The following AKAP7 variants were observed in gnomAD, a reference collection of about 807,000 sequenced individuals.
AKAP7 encodes A-kinase anchoring protein 7.
Under a neutral mutation model 39.5 loss-of-function variants are expected in AKAP7, and 39 were observed. The ratio of observed to expected loss-of-function variants is 0.99; its 90% CI spans 0.76 to 1.29. AKAP7 has a LOEUF of 1.29. Ranked by LOEUF, AKAP7 falls within the 50% of genes most tolerant of loss-of-function variation. The pLI, the probability that AKAP7 is intolerant of heterozygous loss-of-function variation, is 0.00. For missense variants in AKAP7, 414 were observed against 407.7 expected (o/e 1.02, Z -0.13); for synonymous variants, 140 against 139.1 (o/e 1.01, Z -0.05).
At chr6:131,253,112 G>C (rs1428470731) in intron 7 of AKAP7, 2 of 1,611,714 alleles carry the variant, frequency 1.2e-6, no homozygotes, top group Non-Finnish European at 1.7e-6. Context: ...AGTGGTAAGA[G>C]TCAAGTGACC....
At chr6:131,175,945 G>T (rs1304833991) in intron 5 of AKAP7, among the ~76,000 whole-genome samples, 1 of 151,952 alleles carries the variant, frequency 6.6e-6, no homozygotes, top group Non-Finnish European at 1.5e-5. Flanking sequence ...TGTTTATTTG[G>T]GTCATTATTT....
chr6:131,236,192 T>G (rs1811043593), intron 7 of AKAP7, among the ~76,000 whole-genome samples: 1 of 152,146 alleles, frequency 6.6e-6, no homozygotes, highest in Non-Finnish European at 1.5e-5. Context: ...TTTTCTCAGG[T>G]TTGTCAAAGA....
rs9321276 is a variant in AKAP7, at chr6:131,201,852, C to T, written c.702+2279C>T. ...CAGCACCATTTATTAAATAGGGAAT[C>T]GTTTCCCCATTGCTTGTTTTTCTCA... On this transcript the variant is annotated intron_variant, in intron 6 of 7. Coordinates refer to ENST00000431975, the MANE Select transcript of AKAP7 (RefSeq NM_016377.4). Among the ~76,000 whole-genome samples the T allele has an allele frequency of 1.2e-3, 186 of 152,234 alleles. 1 individual carries two copies. Among genetic ancestry groups the T allele is most frequent in the African/African-American group, 4.0e-3 (165 of 41,534 alleles).
At chr6:131,127,351 T>G in the AKAP7 span, among the ~76,000 whole-genome samples, 1 of 152,182 alleles carries the variant, frequency 6.6e-6, no homozygotes, top group Non-Finnish European at 1.5e-5. Flanking sequence ...CTTGAAGTCC[T>G]TGACCATAGG....
intron 7 of AKAP7, among the ~76,000 whole-genome samples, chr6:131,242,526 A>G (rs1811704525): frequency 6.6e-6 from 1 of 150,782 alleles, no homozygotes; most frequent in Non-Finnish European, 1.5e-5. Flanking sequence ...AATTACTTAT[A>G]GACCCTTTTA....
intron 1 of AKAP7, among the ~76,000 whole-genome samples, chr6:131,143,211 CA>C (rs1177142478): frequency 6.6e-6 from 1 of 152,026 alleles, no homozygotes; most frequent in African/African-American, 2.4e-5. Context: ...TTTAGGTGGC[CA>C]GGGGCAGAAT....
At chr6:131,220,355 CTG>C in intron 7 of AKAP7, among the ~76,000 whole-genome samples, 1 of 152,312 alleles carries the variant, frequency 6.6e-6, no homozygotes, top group East Asian at 1.9e-4. Context: ...TCATATAAAA[CTG>C]TGTTTCCAGG....
At chr6:131,240,129 A>T (rs1369928259) in intron 7 of AKAP7, among the ~76,000 whole-genome samples, 1 of 152,246 alleles carries the variant, frequency 6.6e-6, no homozygotes, top group Admixed American at 6.5e-5. Context: ...TCTAACAGTC[A>T]GGATCCTCAG....
At chr6:131,224,618 A>G (rs1045455121) in intron 7 of AKAP7, among the ~76,000 whole-genome samples, 1 of 151,310 alleles carries the variant, frequency 6.6e-6, no homozygotes, top group African/African-American at 2.4e-5. Context: ...AGAGTGCTAG[A>G]TTACAAGTCA....
chr6:131,140,544 T>C (rs1189544896), intron 1 of AKAP7, among the ~76,000 whole-genome samples: 1 of 152,230 alleles, frequency 6.6e-6, no homozygotes, highest in Admixed American at 6.5e-5. Context: ...CCCTCACTTA[T>C]TGCTAAGAAT....
chr6:131,265,485 C>T (rs1406025748), intron 7 of AKAP7, among the ~76,000 whole-genome samples: 1 of 152,014 alleles, frequency 6.6e-6, no homozygotes, highest in Non-Finnish European at 1.5e-5. Context: ...TTCCCTGGCT[C>T]ACAGATAAAG....
At chr6:131,132,983 C>T (rs1206210195), upstream of AKAP7, among the ~76,000 whole-genome samples, 2 of 152,118 alleles carry the variant, frequency 1.3e-5, no homozygotes, top group African/African-American at 4.8e-5. Flanking sequence ...CCACATTAAC[C>T]TTTCATGTAA....
chr6:131,243,545 T>C (rs1811776054), intron 7 of AKAP7, among the ~76,000 whole-genome samples: 1 of 152,230 alleles, frequency 6.6e-6, no homozygotes, highest in South Asian at 2.1e-4. Context: ...TTCACTTTCA[T>C]TCTTCCTTAT....
At chr6:131,258,508 C>G (rs1390925980) in intron 7 of AKAP7, among the ~76,000 whole-genome samples, 1 of 152,180 alleles carries the variant, frequency 6.6e-6, no homozygotes, top group Non-Finnish European at 1.5e-5. Context: ...TACAACTTGA[C>G]ATGAACAAAC....
At chr6:131,162,184 G>T (rs1467353906) in intron 3 of AKAP7, among the ~76,000 whole-genome samples, 1 of 152,180 alleles carries the variant, frequency 6.6e-6, no homozygotes, top group Admixed American at 6.5e-5. Flanking sequence ...GGATAGGGAA[G>T]GTGGGGAAGG....
chr6:131,244,177 T>C (rs1811820224), intron 7 of AKAP7, among the ~76,000 whole-genome samples: 1 of 152,158 alleles, frequency 6.6e-6, no homozygotes, highest in South Asian at 2.1e-4. Context: ...TGTTCTCCTG[T>C]TACTGTTTTG....
In AKAP7 at chr6:131,135,688, C is replaced by T; in HGVS notation, c.-76C>T. 1 of 1,134,334 alleles carries T rather than the reference C, an allele frequency of 8.8e-7. No individual in the cohort carries two copies. The highest frequency in any genetic ancestry group is 1.1e-6 in the Non-Finnish European group (1 of 926,836). The allele number at this position is 1,134,334 out of a possible 1,614,324, so 70.3% of individuals were successfully genotyped here. A position where few individuals can be genotyped will look rare whatever the true frequency, so the allele number is the denominator to read the frequency against. On this transcript the variant is annotated 5_prime_UTR_variant, in exon 1 of 8. Coordinates refer to ENST00000431975, the MANE Select transcript of AKAP7 (RefSeq NM_016377.4). ...CCCGCCCTGGCCTCCGCCTCGGCCT[C>T]GCCTCCAGCCCCGGGACGCGGCCCG...
intron 7 of AKAP7, among the ~76,000 whole-genome samples, chr6:131,231,892 T>C (rs1004228900): frequency 6.6e-6 from 1 of 152,202 alleles, no homozygotes; most frequent in Non-Finnish European, 1.5e-5. Context: ...AAGAAAATGT[T>C]TAAAATTTGT....
chr6:131,151,249 G>A (rs568187207), intron 2 of AKAP7, among the ~76,000 whole-genome samples: 4 of 151,504 alleles, frequency 2.6e-5, no homozygotes, highest in Admixed American at 1.3e-4. Flanking sequence ...CATCATGTTG[G>A]TCAGGCTGGT....
Sources: gnomAD v4.1 joint callset for allele counts (sites outside exome capture counted in the v4.1 genomes callset) on GRCh38, gnomAD v4.1.1 for gene constraint, MANE v1.5 for transcripts, NCBI Gene and HGNC (gene_info 2026-07-23, HGNC 2026-07-21) for gene names.